UBE2N: variants seen among roughly 807,000 people sequenced by gnomAD.
UBE2N encodes the protein ubiquitin-conjugating enzyme E2 N.
For synonymous variants in UBE2N, 70 were observed against 69.2 expected, an observed-to-expected ratio of 1.01 and a Z score of -0.06; for missense variants, 60 against 192.1, an observed-to-expected ratio of 0.31 and a Z score of 4.07.
At chr12:93,412,268 A>G (rs1175436679) in intron 1 of UBE2N, among the ~76,000 whole-genome samples, 2 of 152,118 alleles carry the variant, frequency 1.3e-5, no homozygotes, top group African/African-American at 4.8e-5. Context: ...CTCCATCCCC[A>G]TCCTCACTTG....
Position 93,408,401 on chromosome 12 carries a change from C to A in UBE2N, c.*1638G>T, listed in dbSNP as rs1313664556. 6.6e-6 allele frequency: 1 copy of A among 152,168 alleles called. No individual in the cohort carries two copies. Among genetic ancestry groups the A allele is most frequent in the Non-Finnish European group, 1.5e-5 (1 of 68,028 alleles). 9.4% of individuals were successfully genotyped at this position (152,168 alleles called of 1,614,324 possible). A position where few individuals can be genotyped will look rare whatever the true frequency, so the allele number is the denominator to read the frequency against. ...GAAAATGTAATTTTAATAGTTAATT[C>A]TTCATCTTACATAGGAGCACAATAA... On this transcript the variant is annotated 3_prime_UTR_variant, in exon 4 of 4. Coordinates refer to ENST00000318066, the MANE Select transcript of UBE2N (RefSeq NM_003348.4).
In UBE2N at chr12:93,407,672, A is replaced by C. The variant is rs1877891482; in HGVS notation, c.*2367T>G. The C allele has an allele frequency of 6.6e-6, 1 of 152,192 alleles. No homozygotes were observed. The highest frequency in any genetic ancestry group is 6.5e-5 in the Admixed American group (1 of 15,276). 9.4% of individuals were successfully genotyped at this position (152,192 alleles called of 1,614,324 possible). ...TTACCCGAATTCTGGATTTTCATGC[A>C]AATCTCCCAATTTTTAAAAATGTTG... On this transcript the variant is annotated 3_prime_UTR_variant, in exon 4 of 4. Transcript: ENST00000318066.
rs1877960225 is a variant in UBE2N, at chr12:93,409,247, C to G, written c.*792G>C. 6.5e-6 allele frequency: 1 copy of G among 152,688 alleles called. No homozygotes were observed. The highest frequency in any genetic ancestry group is 2.1e-4 in the South Asian group (1 of 4,832). 9.5% of individuals were successfully genotyped at this position (152,688 alleles called of 1,614,324 possible). On this transcript the variant is annotated 3_prime_UTR_variant, in exon 4 of 4. Coordinates refer to ENST00000318066, the MANE Select transcript of UBE2N (RefSeq NM_003348.4). The stretch of plus-strand genomic sequence containing the variant: ...ATCCACCTCTTGCCATTCAATTTGT[C>G]AGATGGTGAAGACCAAGAAAGAATG...
At chr12:93,417,969 G>A (rs1319126655) in intron 1 of UBE2N, among the ~76,000 whole-genome samples, 1 of 152,130 alleles carries the variant, frequency 6.6e-6, no homozygotes, top group East Asian at 1.9e-4. Context: ...GAATCTGCAA[G>A]TTCACCCTCT....
Position 93,436,991 on chromosome 12 carries a change from G to A in UBE2N, c.30+4864C>T, listed in dbSNP as rs1878952661. On this transcript the variant is annotated intron_variant, in intron 1 of 3. Coordinates refer to ENST00000318066, the MANE Select transcript of UBE2N (RefSeq NM_003348.4). ...TACAATAAAGTCTAGGCCAGGCACG[G>A]TGGTTCATGCCTGTTAACCCTAGCA... Among the ~76,000 whole-genome samples the A allele has an allele frequency of 2.0e-5, 3 of 152,174 alleles. No individual in the cohort carries two copies. In the South Asian group the frequency reaches 6.2e-4, roughly 31 times the overall value.
intron 1 of UBE2N, among the ~76,000 whole-genome samples, chr12:93,426,622 T>C (rs1878595107): frequency 6.6e-6 from 1 of 152,160 alleles, no homozygotes; most frequent in Admixed American, 6.5e-5. Context: ...TCTCAAGGGC[T>C]TCTTACCCAT....
At chr12:93,432,930 C>T (rs1592750287) in intron 1 of UBE2N, among the ~76,000 whole-genome samples, 1 of 49,308 alleles carries the variant, frequency 2.0e-5, no homozygotes. Context: ...TAGCTTCATT[C>T]AGGTTTTTTT....
chr12:93,435,070 T>C (rs992714552), intron 1 of UBE2N, among the ~76,000 whole-genome samples: 10 of 152,134 alleles, frequency 6.6e-5, no homozygotes, highest in Non-Finnish European at 2.9e-5. Flanking sequence ...TGGCTAAGTT[T>C]CCCTGCCCCC....
In UBE2N at chr12:93,431,182, G is replaced by A. The variant is rs530857590; in HGVS notation, c.30+10673C>T. Among the ~76,000 whole-genome samples the A allele has an allele frequency of 1.8e-3, 281 of 152,204 alleles. 2 individuals carry two copies. Among genetic ancestry groups the A allele is most frequent in the African/African-American group, 6.5e-3 (272 of 41,532 alleles). ...GCAGAGATTGCAGTGAGCCGAGATC[G>A]TGCCATTGCACTCCCAGCCTGGGCA... On this transcript the variant is annotated intron_variant, in intron 1 of 3. Transcript: ENST00000318066.
chr12:93,406,247 TA>T lies in UBE2N; in HGVS notation c.*3791del, dbSNP rs2121037061. On this transcript the variant is annotated 3_prime_UTR_variant, in exon 4 of 4. Transcript: ENST00000318066. ...CATGCCACAGCACTCCAGCCTAAAC[TA>T]CAGAGCTAGAAAGTGGCTAGAGCAG... is the stretch of plus-strand genomic sequence containing the variant. The T allele has an allele frequency of 9.9e-6, 1 of 101,106 alleles. No individual in the cohort carries two copies. Among genetic ancestry groups the T allele is most frequent in the Admixed American group, 1.6e-4 (1 of 6,144 alleles). 6.3% of individuals were successfully genotyped at this position (101,106 alleles called of 1,614,324 possible).
intron 1 of UBE2N, among the ~76,000 whole-genome samples, chr12:93,419,390 CAAA>C (rs879328652): frequency 1.0e-5 from 1 of 98,948 alleles, no homozygotes; most frequent in Non-Finnish European, 2.1e-5. Flanking sequence ...AACTCCGTCT[CAAA>C]AAAAAAAAAA....
chr12:93,410,971 T>C (rs753048131), intron 2 of UBE2N, 82 bp downstream of exon 2: 40 of 1,613,710 alleles, frequency 2.5e-5, no homozygotes, highest in Non-Finnish European at 3.4e-5. Context: ...CTTTGTATAA[T>C]GTTTACATTC....
chr12:93,412,858 A>G (rs1439792602), intron 1 of UBE2N, among the ~76,000 whole-genome samples: 1 of 152,254 alleles, frequency 6.6e-6, no homozygotes, highest in Admixed American at 6.5e-5. Flanking sequence ...GCCAGGGCAA[A>G]TATTTAGGCT....
intron 1 of UBE2N, among the ~76,000 whole-genome samples, chr12:93,425,638 A>C (rs1160879751): frequency 6.6e-6 from 1 of 152,198 alleles, no homozygotes; most frequent in African/African-American, 2.4e-5. Context: ...CTGGGTTAAA[A>C]GGAAATTCAA....
At chr12:93,439,889 T>TTAC (rs3049603) in intron 1 of UBE2N, among the ~76,000 whole-genome samples, 150,959 of 152,308 alleles carry the variant, frequency 0.99, 74,820 homozygotes, top group East Asian at 1. Flanking sequence ...ACAGTATGAG[T>TTAC]TACTGTCTTA....
chr12:93,424,969 C>T (rs184011711), intron 1 of UBE2N, among the ~76,000 whole-genome samples: 1 of 152,224 alleles, frequency 6.6e-6, no homozygotes, highest in East Asian at 1.9e-4. Context: ...GTTTATGAAA[C>T]GAACAAACCA....
At chr12:93,424,567 T>C (rs1239080172) in intron 1 of UBE2N, among the ~76,000 whole-genome samples, 1 of 152,226 alleles carries the variant, frequency 6.6e-6, no homozygotes, top group Admixed American at 6.5e-5. Context: ...CATGAAAGCA[T>C]GCAGATATTG....
chr12:93,422,514 A>G (rs1878447882), intron 1 of UBE2N, among the ~76,000 whole-genome samples: 1 of 152,132 alleles, frequency 6.6e-6, no homozygotes, highest in African/African-American at 2.4e-5. Context: ...AACCTATTGC[A>G]TATTTTAGGT....
At chr12:93,427,568 A>G (rs1270191170) in intron 1 of UBE2N, among the ~76,000 whole-genome samples, 1 of 152,232 alleles carries the variant, frequency 6.6e-6, no homozygotes, top group Non-Finnish European at 1.5e-5. Context: ...TAGAATTGGA[A>G]AGCAGATAAA....
Sources: gnomAD v4.1 joint callset for allele counts (sites outside exome capture counted in the v4.1 genomes callset) on GRCh38, gnomAD v4.1.1 for gene constraint, MANE v1.5 for transcripts, NCBI Gene and HGNC (gene_info 2026-07-23, HGNC 2026-07-21) for gene names.